The following TRNAU1AP variants were observed in gnomAD, a reference collection of about 807,000 sequenced individuals.
TRNAU1AP encodes tRNA selenocysteine 1-associated protein 1.
In TRNAU1AP, 33 loss-of-function variants were observed where a neutral mutation model predicts 43.3. That is an observed-to-expected ratio of 0.76 (90% confidence interval 0.58 to 1.02). TRNAU1AP has a LOEUF of 1.02. Among genes scored for constraint, TRNAU1AP ranks in the 50% least tolerant of loss-of-function variants. TRNAU1AP has a pLI of 0.00. For missense variants in TRNAU1AP, 290 were observed against 362.7 expected, an observed-to-expected ratio of 0.80 and a Z score of 1.63; for synonymous variants, 143 against 129.1, an observed-to-expected ratio of 1.11 and a Z score of -0.73.
In TRNAU1AP at chr1:28,553,095, AC is replaced by A; in HGVS notation, c.-12del. ...CGCAGAGCCCCGCCCGCAAAGCCCC[AC>A]CCCGGTGCGCGGGTATGGCGGCCAG... On this transcript the variant is annotated 5_prime_UTR_variant, in exon 1 of 9. Transcript: ENST00000373830. 1 of 1,523,932 alleles carries A rather than the reference AC, an allele frequency of 6.6e-7. No individual in the cohort carries two copies. The highest frequency in any genetic ancestry group is 8.8e-7 in the Non-Finnish European group (1 of 1,134,764). The allele number at this position is 1,523,932 out of a possible 1,614,324, so 94.4% of individuals were successfully genotyped here.
Position 28,564,845 on chromosome 1 carries a change from A to G in TRNAU1AP, c.410+11A>G. The G allele has an allele frequency of 6.2e-7, 1 of 1,613,858 alleles. No homozygotes were observed. Among genetic ancestry groups the G allele is most frequent in the Non-Finnish European group, 8.5e-7 (1 of 1,179,912 alleles). ...GACAGGCGTGTCTAAGTAAGGCCTT[A>G]CTTGTTACTGATGCTTAACTGTGTT... is the stretch of plus-strand genomic sequence containing the variant. On this transcript the variant is annotated intron_variant, in intron 5 of 8. Coordinates refer to ENST00000373830, the MANE Select transcript of TRNAU1AP (RefSeq NM_017846.5).
At chr1:28,573,281 C>G (rs1237640634) in intron 8 of TRNAU1AP, among the ~76,000 whole-genome samples, 6 of 149,060 alleles carry the variant, frequency 4.0e-5, no homozygotes, top group South Asian at 2.1e-4. Flanking sequence ...CCGCCTGCCT[C>G]GCCTCCCAAA....
At chr1:28,563,480 C>T (rs1160594504) in intron 4 of TRNAU1AP, among the ~76,000 whole-genome samples, 2 of 151,650 alleles carry the variant, frequency 1.3e-5, no homozygotes, top group Non-Finnish European at 2.9e-5. Flanking sequence ...GTCGGGAGTT[C>T]GAGATCAGCC....
rs1195344464 is a variant in TRNAU1AP at position 28,578,261 on chromosome 1, G to A, written c.*625G>A. 1 of 160,458 alleles carries A rather than the reference G, an allele frequency of 6.2e-6. No homozygotes were observed. Among genetic ancestry groups the A allele is most frequent in the African/African-American group, 2.4e-5 (1 of 41,480 alleles). 9.9% of individuals were successfully genotyped at this position (160,458 alleles called of 1,614,324 possible). On this transcript the variant is annotated 3_prime_UTR_variant, in exon 9 of 9. Coordinates refer to ENST00000373830, the MANE Select transcript of TRNAU1AP (RefSeq NM_017846.5). ...CAATATTTTGACACGGGAGAAGGCA[G>A]CTCAGAAAGGATTAAGGAAGATAGC...
intron 4 of TRNAU1AP, among the ~76,000 whole-genome samples, chr1:28,561,788 AAT>A (rs1410004452): frequency 6.6e-6 from 1 of 151,818 alleles, no homozygotes; most frequent in Non-Finnish European, 1.5e-5. Flanking sequence ...AAAATACAAA[AAT>A]GGCCGGGTGT....
chr1:28,562,815 T>C (rs1665442613), intron 4 of TRNAU1AP, among the ~76,000 whole-genome samples: 1 of 151,800 alleles, frequency 6.6e-6, no homozygotes, highest in Non-Finnish European at 1.5e-5. Flanking sequence ...TCTCCTGACC[T>C]CGTGATCTGC....
At chr1:28,568,157 C>T (rs1164506898) in intron 6 of TRNAU1AP, among the ~76,000 whole-genome samples, 1 of 152,250 alleles carries the variant, frequency 6.6e-6, no homozygotes, top group East Asian at 1.9e-4. Context: ...GAGCAAGACT[C>T]CGTCTCAAAT....
intron 4 of TRNAU1AP, 141 bp downstream of exon 4, chr1:28,561,539 C>T: frequency 1.1e-6 from 1 of 940,898 alleles, no homozygotes; most frequent in Non-Finnish European, 1.6e-6. Flanking sequence ...GCTGGTGGAC[C>T]TTCCTGGTGT....
intron 4 of TRNAU1AP, among the ~76,000 whole-genome samples, chr1:28,563,710 G>C (rs1264220753): frequency 1.3e-5 from 2 of 151,924 alleles, no homozygotes; most frequent in African/African-American, 4.8e-5. Flanking sequence ...AAATTAGCTG[G>C]ATGTAGTGGC....
chr1:28,571,296 C>T lies in TRNAU1AP; in HGVS notation c.651C>T (p.Ser217=). ...ATGACCAGAACACAGGCAGCTACAG[C>T]TACAGTTACCCCCAGTATGGCTATA... is the stretch of plus-strand genomic sequence containing the variant. ...WGYDQNTGSY[S]YSYPQYGYTQ... The change falls in exon 7 of 9, where the codon AGC becomes AGT. Residue 217 remains serine (S), a synonymous_variant. Transcript: ENST00000373830. 6.2e-7 allele frequency: 1 copy of T among 1,613,990 alleles called. No homozygotes were observed. The highest frequency in any genetic ancestry group is 1.7e-4 in the Middle Eastern group (1 of 6,058).
chr1:28,577,462 C>T, intron 8 of TRNAU1AP, 38 bp from the exon 9 acceptor site: 1 of 1,608,182 alleles, frequency 6.2e-7, no homozygotes. Context: ...TGCAGCTGTC[C>T]CTAGACTTCC....
chr1:28,564,743 G>T lies in TRNAU1AP; in HGVS notation c.319G>T (p.Val107Leu). 6.2e-7 allele frequency: 1 copy of T among 1,614,078 alleles called. No homozygotes were observed. The highest frequency in any genetic ancestry group is 2.2e-5 in the East Asian group (1 of 44,874). Residue 107 changes from valine to leucine, a missense_variant, in exon 5 of 9, where the codon GTG becomes TTG. Val to Leu is a conservative substitution (Grantham distance 32, BLOSUM62 1). Around this residue, in one of 3 missense-constraint regions of TRNAU1AP, gnomAD observed 174 missense variants for 262.1 expected, o/e 0.66. Transcript: ENST00000373830. ...CTTTGTGGGGGACCTGACCCCGGAC[G>T]TGGATGATGGCATGCTGTATGAATT... is the stretch of plus-strand genomic sequence containing the variant. ...SLFVGDLTPD[V>L]DDGMLYEFFV...
rs755367328 is a variant in TRNAU1AP, at chr1:28,571,352, G to A, written c.693+14G>A. 26 of 1,613,516 alleles carry A rather than the reference G, an allele frequency of 1.6e-5. No individual in the cohort carries two copies. The highest frequency in any genetic ancestry group is 8.8e-5 in the South Asian group (8 of 91,054). On this transcript the variant is annotated intron_variant, in intron 7 of 8. Transcript: ENST00000373830. ...AGCACCATGCAGGTAACCATGACTT[G>A]GCAAGACTGGTCCCCTTGGGTTGTG...
intron 3 of TRNAU1AP, chr1:28,560,994 T>G: frequency 8.0e-7 from 1 of 1,247,414 alleles, no homozygotes; most frequent in East Asian, 3.0e-5. Flanking sequence ...CATTCTGCAT[T>G]GCTGCCTCCC....
At chr1:28,558,984 T>G (rs1161568104) in intron 2 of TRNAU1AP, among the ~76,000 whole-genome samples, 1 of 152,194 alleles carries the variant, frequency 6.6e-6, no homozygotes, top group Non-Finnish European at 1.5e-5. Flanking sequence ...GTCCCCACAA[T>G]ATTGATAGTT....
At chr1:28,571,797 A>ATATAAG in intron 7 of TRNAU1AP, 70 bp from the exon 8 acceptor site, 1 of 1,323,746 alleles carries the variant, frequency 7.6e-7, no homozygotes, top group Non-Finnish European at 1.1e-6. Context: ...AAAATAAAAA[A>ATATAAG]TATAAGCCAC....
At chr1:28,560,890 G>C in intron 3 of TRNAU1AP, 158 bp downstream of exon 3, 1 of 864,860 alleles carries the variant, frequency 1.2e-6, no homozygotes, top group Non-Finnish European at 1.7e-6. Context: ...GAAGCTCAGG[G>C]AATTGAAATA....
intron 4 of TRNAU1AP, among the ~76,000 whole-genome samples, chr1:28,563,026 G>A (rs1401413633): frequency 6.6e-6 from 1 of 151,244 alleles, no homozygotes; most frequent in Non-Finnish European, 1.5e-5. Flanking sequence ...CTCCCAAGTA[G>A]CTGGGATTAC....
At chr1:28,564,905 T>C (rs528172589) in intron 5 of TRNAU1AP, 71 bp downstream of exon 5, 3 of 1,590,254 alleles carry the variant, frequency 1.9e-6, no homozygotes, top group African/African-American at 1.3e-5. Context: ...GGAGGTGTTT[T>C]AGAAAGGCCC....
Sources: gnomAD v4.1 joint callset for allele counts (sites outside exome capture counted in the v4.1 genomes callset) on GRCh38, gnomAD v4.1.1 for gene constraint, gnomAD v4.1.1 regional missense constraint, MANE v1.5 for transcripts, NCBI Gene and HGNC (gene_info 2026-07-23, HGNC 2026-07-21) for gene names.